The following GABPA variants were observed in gnomAD, a reference collection of about 807,000 sequenced individuals.
The protein encoded by GABPA is GA-binding protein alpha chain.
In GABPA, 4 loss-of-function variants were observed where a neutral mutation model predicts 59.4. The observed-to-expected ratio is 0.07, with a 90% CI of 0.03 to 0.15. The LOEUF is 0.15. Among genes scored for constraint, GABPA ranks in the 10% least tolerant of loss-of-function variants. The pLI is 1.00. For synonymous variants in GABPA, 164 were observed against 183.1 expected (o/e 0.90, Z 0.84); for missense variants, 251 against 543.8 (o/e 0.46, Z 5.36).
In GABPA at chr21:25,764,614, A is replaced by G. The variant is rs760163309; in HGVS notation, c.963A>G (p.Gln321=). 4 of 1,612,088 alleles carry G rather than the reference A, an allele frequency of 2.5e-6. No homozygotes were observed. Among genetic ancestry groups the G allele is most frequent in the African/African-American group, 1.3e-5 (1 of 74,926 alleles). Residue 321 remains glutamine, a synonymous_variant, in exon 9 of 10, where the codon CAA becomes CAG. Transcript: ENST00000400075. ...ATTTAGGAAACAATGGCCAAATCCAACTATGGCAGTTTTTGCTAGAACTTC... is the reference window on the plus strand; with the variant it reads ...ATTTAGGAAACAATGGCCAAATCCAGCTATGGCAGTTTTTGCTAGAACTTC... The part of the protein sequence containing the change: ...GNRTGNNGQI[Q]LWQFLLELLT...
intron 4 of GABPA, among the ~76,000 whole-genome samples, chr21:25,750,520 A>G (rs188282930): frequency 2.7e-4 from 41 of 152,370 alleles, no homozygotes; most frequent in African/African-American, 9.6e-4. Flanking sequence ...AACCTTATTC[A>G]TTACAGTATT....
intron 3 of GABPA, among the ~76,000 whole-genome samples, chr21:25,746,236 A>G (rs1241000504): frequency 6.6e-6 from 1 of 152,034 alleles, no homozygotes; most frequent in Non-Finnish European, 1.5e-5. Flanking sequence ...GCTGCTCTTG[A>G]ACTCCTGATC....
chr21:25,747,976 C>T (rs1031735769), intron 3 of GABPA, among the ~76,000 whole-genome samples: 3 of 151,936 alleles, frequency 2.0e-5, no homozygotes, highest in Admixed American at 6.6e-5. Flanking sequence ...AGTGCAGTGG[C>T]GCTCACTGCA....
intron 5 of GABPA, among the ~76,000 whole-genome samples, chr21:25,753,923 T>G (rs1447391926): frequency 6.6e-6 from 1 of 152,192 alleles, no homozygotes; most frequent in East Asian, 1.9e-4. Context: ...GACATTTTTT[T>G]TCTTTCTTTA....
chr21:25,757,252 A>G (rs1417862474), intron 5 of GABPA, among the ~76,000 whole-genome samples: 4 of 152,198 alleles, frequency 2.6e-5, no homozygotes, highest in African/African-American at 7.2e-5. Flanking sequence ...AGAATGCTCT[A>G]TTAGGTGCGG....
At chr21:25,760,411 C>A (rs2035736935) in intron 6 of GABPA, among the ~76,000 whole-genome samples, 1 of 152,136 alleles carries the variant, frequency 6.6e-6, no homozygotes, top group South Asian at 2.1e-4. Flanking sequence ...CCTCTATTAT[C>A]CATCCTCAGT....
intron 5 of GABPA, among the ~76,000 whole-genome samples, chr21:25,756,974 ACC>A (rs1423634400): frequency 2.0e-5 from 3 of 152,102 alleles, no homozygotes; most frequent in South Asian, 4.1e-4. Flanking sequence ...AGGCTAGGGC[ACC>A]TCTGTTCCTT....
intron 1 of GABPA, among the ~76,000 whole-genome samples, chr21:25,738,924 G>GAA (rs533150942): frequency 5.9e-4 from 85 of 144,544 alleles, no homozygotes; most frequent in African/African-American, 1.9e-3. Context: ...GCATCAGCAA[G>GAA]AAAAAAAAAA....
At chr21:25,751,839 C>A in intron 4 of GABPA, 150 bp from the exon 5 acceptor site, 1 of 708,180 alleles carries the variant, frequency 1.4e-6, no homozygotes, top group Non-Finnish European at 2.3e-6. Flanking sequence ...GAATATCCTT[C>A]ACCCAGATTC....
At chr21:25,757,517 G>T (rs1489688493) in intron 5 of GABPA, among the ~76,000 whole-genome samples, 1 of 152,136 alleles carries the variant, frequency 6.6e-6, no homozygotes, top group African/African-American at 2.4e-5. Context: ...TATTGGAAAT[G>T]CATCATAAGG....
chr21:25,746,209 T>C (rs1568941956), intron 3 of GABPA, among the ~76,000 whole-genome samples: 1 of 151,982 alleles, frequency 6.6e-6, no homozygotes, highest in Non-Finnish European at 1.5e-5. Flanking sequence ...GACACGGGGT[T>C]TTGCTGTGTT....
chr21:25,736,082 G>GT (rs71649648), intron 1 of GABPA, among the ~76,000 whole-genome samples: 3,869 of 152,164 alleles, frequency 0.025, 78 homozygotes, highest in Non-Finnish European at 0.039. Flanking sequence ...AGCCATCTGG[G>GT]TTTGTTTTTT....
chr21:25,763,621 T>A (rs957173494), intron 7 of GABPA, among the ~76,000 whole-genome samples: 4 of 152,222 alleles, frequency 2.6e-5, no homozygotes, highest in African/African-American at 9.6e-5. Context: ...AAACATTGTT[T>A]GTAAAATAAT....
chr21:25,745,957 A>G (rs963243280), intron 3 of GABPA, among the ~76,000 whole-genome samples: 1 of 152,180 alleles, frequency 6.6e-6, no homozygotes, highest in South Asian at 2.1e-4. Flanking sequence ...GATTGCCCAT[A>G]CAGTTTTCCA....
intron 7 of GABPA, chr21:25,763,272 A>G (rs1435444886): frequency 8.0e-6 from 3 of 376,216 alleles, no homozygotes; most frequent in Non-Finnish European, 1.0e-5. Flanking sequence ...CTTTTGGGGC[A>G]TTTTTCCCCC....
chr21:25,755,807 T>C (rs2829892), intron 5 of GABPA, among the ~76,000 whole-genome samples: 1 of 151,998 alleles, frequency 6.6e-6, no homozygotes, highest in South Asian at 2.1e-4. Context: ...ACTTTAAATC[T>C]GTCTCCTTAT....
At chr21:25,757,445 ATTTC>A (rs144338599) in intron 5 of GABPA, among the ~76,000 whole-genome samples, 82,537 of 151,602 alleles carry the variant, frequency 0.54, 24,464 homozygotes, top group Non-Finnish European at 0.67. Flanking sequence ...CATTTCTTGT[ATTTC>A]TTAGTGTGTT....
Position 25,750,144 on chromosome 21 carries a change from G to A in GABPA, c.307+1024G>A, listed in dbSNP as rs553039086. On this transcript the variant is annotated intron_variant, in intron 4 of 9. Coordinates refer to ENST00000400075, the MANE Select transcript of GABPA (RefSeq NM_002040.4). ...GGCATTAAATTCTCATAAGGAACAC[G>A]CAACCTAGATACCTCGCATGTGCAG... Among the ~76,000 whole-genome samples, 8 of 152,300 alleles carry A rather than the reference G, an allele frequency of 5.3e-5. No individual in the cohort carries two copies. In the South Asian group the frequency reaches 6.2e-4, roughly 12 times the overall value.
rs2035980598 is a variant in GABPA, at chr21:25,770,121, A to C, written c.*889A>C. ...CCCTGTAGTGCCAGTTTATTATGCA[A>C]AGCAGCTTATATTCCTTTGTTTCTG... On this transcript the variant is annotated 3_prime_UTR_variant, in exon 10 of 10. Transcript: ENST00000400075. 6.6e-6 allele frequency: 1 copy of C among 152,564 alleles called. No homozygotes were observed. 9.5% of individuals were successfully genotyped at this position (152,564 alleles called of 1,614,324 possible).
Sources: allele counts gnomAD v4.1 joint callset (sites outside exome capture counted in the v4.1 genomes callset), GRCh38; gene constraint gnomAD v4.1.1; transcripts MANE v1.5; gene names NCBI Gene and HGNC (gene_info 2026-07-23, HGNC 2026-07-21).